The following USP26 variants were observed in gnomAD, a reference collection of about 807,000 sequenced individuals.
USP26 encodes the protein ubiquitin specific peptidase 26.
For synonymous variants in USP26, 236 were observed against 240.6 expected (o/e 0.98, Z 0.18); for missense variants, 649 against 642.3 (o/e 1.01, Z -0.11).
At chrX:133,045,325 A>G (rs1288107048) in intron 5 of USP26, among the ~76,000 whole-genome samples, 1 of 111,636 alleles carries the variant, frequency 9.0e-6, no homozygotes, top group Admixed American at 9.4e-5. Flanking sequence ...AAACGGACCA[A>G]TCAGCTCTCT....
intron 4 of USP26, among the ~76,000 whole-genome samples, chrX:133,088,616 C>G (rs1265242139): frequency 1.8e-5 from 2 of 111,756 alleles, no homozygotes; most frequent in Non-Finnish European, 3.8e-5. Flanking sequence ...AAGCCAGGTC[C>G]CACTTTAAGT....
In USP26 at chrX:133,026,019, T is replaced by G. The variant is rs757939617; in HGVS notation, c.2202A>C (p.Lys734Asn). ...KNIRIPERFQ[K>N]VSEQTQQCDG... ...CACACTGCTGAGTCTGTTCAGACACTTTTTGGAATCTTTCTGGAATTCTGA... is the reference window on the plus strand; with the variant it reads ...CACACTGCTGAGTCTGTTCAGACACGTTTTGGAATCTTTCTGGAATTCTGA... The change falls in exon 6 of 6, where the codon AAA becomes AAC. Residue 734 changes from lysine to asparagine, a missense_variant. Transcript: ENST00000511190. The G allele has an allele frequency of 2.7e-4, 322 of 1,208,327 alleles. No individual in the cohort carries two copies. The Middle Eastern group carries it at 4.3e-3, about 16-fold the overall frequency.
chrX:133,025,376 T>C lies in USP26; in HGVS notation c.*103A>G. ...GTTTGACCTTTGGTCCTAGACTAAT[T>C]GCATTTTCATCTCTGGATAAAGTTC... On this transcript the variant is annotated 3_prime_UTR_variant, in exon 6 of 6. Coordinates refer to ENST00000511190, the MANE Select transcript of USP26 (RefSeq NM_031907.3). 1 of 1,160,037 alleles carries C rather than the reference T, an allele frequency of 8.6e-7. No homozygotes were observed.
In USP26 at chrX:133,045,788, G is replaced by A. The variant is rs773268669; in HGVS notation, c.-76-17492C>T. 196 of 114,290 alleles carry A rather than the reference G, an allele frequency of 1.7e-3. 1 individual carries two copies. The highest frequency in any genetic ancestry group is 5.6e-3 in the African/African-American group (171 of 30,792). 9.4% of individuals were successfully genotyped at this position (114,290 alleles called of 1,213,427 possible). On this transcript the variant is annotated intron_variant, in intron 5 of 5. Coordinates refer to ENST00000511190, the MANE Select transcript of USP26 (RefSeq NM_031907.3). ...GCCTTTAAGAACTGTAACACTCACC[G>A]CGAGCGTCCACGGCTTCATTCTTGA...
At chrX:133,053,702 C>T (rs894409611) in intron 5 of USP26, among the ~76,000 whole-genome samples, 1 of 111,459 alleles carries the variant, frequency 9.0e-6, no homozygotes, top group African/African-American at 3.3e-5. Context: ...AAATCCTGCA[C>T]GGCAACGGGC....
chrX:133,075,862 A>G (rs2067546544), intron 5 of USP26, among the ~76,000 whole-genome samples: 1 of 111,673 alleles, frequency 9.0e-6, no homozygotes. Context: ...GGAAATCCAG[A>G]CTATTTGAGT....
At chrX:133,079,180 C>T (rs182751921) in intron 5 of USP26, among the ~76,000 whole-genome samples, 47 of 111,870 alleles carry the variant, frequency 4.2e-4, no homozygotes, top group Non-Finnish European at 7.9e-4. Context: ...CCAGACTGTG[C>T]ATGCCCCTCC....
chrX:133,030,799 G>A (rs1033211995), intron 5 of USP26, among the ~76,000 whole-genome samples: 1 of 111,935 alleles, frequency 8.9e-6, no homozygotes, highest in Admixed American at 9.5e-5. Context: ...AAGAAAACGA[G>A]ACAAAAATTA....
At chrX:133,039,060 T>C (rs1314069252) in intron 5 of USP26, among the ~76,000 whole-genome samples, 1 of 112,025 alleles carries the variant, frequency 8.9e-6, no homozygotes, top group Non-Finnish European at 1.9e-5. Context: ...CTTTTCTTCT[T>C]TATTAGTCTG....
At chrX:133,053,274 A>G (rs2067465531) in intron 5 of USP26, among the ~76,000 whole-genome samples, 1 of 112,120 alleles carries the variant, frequency 8.9e-6, no homozygotes, top group African/African-American at 3.2e-5. Flanking sequence ...GTGGTTGCTC[A>G]CACCTATAAT....
intron 5 of USP26, among the ~76,000 whole-genome samples, chrX:133,069,807 T>C (rs915920159): frequency 3.6e-5 from 4 of 110,918 alleles, no homozygotes; most frequent in Admixed American, 1.9e-4. Flanking sequence ...TCCAACAAAA[T>C]AAGAGGGTCA....
intron 5 of USP26, among the ~76,000 whole-genome samples, chrX:133,082,005 G>A (rs1396456408): frequency 8.9e-6 from 1 of 111,854 alleles, no homozygotes; most frequent in Non-Finnish European, 1.9e-5. Flanking sequence ...TTCCATATTT[G>A]CTGGCTGTAT....
At chrX:133,048,942 C>T (rs1004303875) in intron 5 of USP26, among the ~76,000 whole-genome samples, 3 of 111,775 alleles carry the variant, frequency 2.7e-5, no homozygotes, top group African/African-American at 9.8e-5. Flanking sequence ...TGAGGAGCTG[C>T]TGGACATGTC....
At chrX:133,061,944 C>A (rs1264749938) in intron 5 of USP26, among the ~76,000 whole-genome samples, 1 of 111,216 alleles carries the variant, frequency 9.0e-6, no homozygotes, top group Non-Finnish European at 1.9e-5. Flanking sequence ...ACCATTCATT[C>A]CCCTGAAAAG....
chrX:133,044,666 C>T (rs1277602061), intron 5 of USP26, among the ~76,000 whole-genome samples: 1 of 113,292 alleles, frequency 8.8e-6, no homozygotes, highest in Non-Finnish European at 1.9e-5. Flanking sequence ...CCCTGCTCCC[C>T]ACCGTGGGCT....
intron 4 of USP26, among the ~76,000 whole-genome samples, chrX:133,087,155 A>T (rs1245505412): frequency 9.0e-6 from 1 of 111,181 alleles, no homozygotes; most frequent in Admixed American, 9.6e-5. Context: ...ATGGAGACCT[A>T]ACTCTTGCTT....
chrX:133,054,378 A>G (rs183054775), intron 5 of USP26, among the ~76,000 whole-genome samples: 1 of 111,547 alleles, frequency 9.0e-6, no homozygotes, highest in Admixed American at 9.6e-5. Flanking sequence ...CTGAGGCACC[A>G]TCATCTTCCA....
intron 5 of USP26, among the ~76,000 whole-genome samples, chrX:133,072,267 T>C (rs1436997108): frequency 8.9e-6 from 1 of 112,292 alleles, no homozygotes; most frequent in Non-Finnish European, 1.9e-5. Flanking sequence ...GCCTTACAGA[T>C]GGTATAACCT....
chrX:133,037,369 C>T (rs1172446582), intron 5 of USP26, among the ~76,000 whole-genome samples: 2 of 111,918 alleles, frequency 1.8e-5, no homozygotes, highest in Non-Finnish European at 3.8e-5. Flanking sequence ...TAAGAAGAGG[C>T]TCCAGTTTCT....
Sources: allele counts gnomAD v4.1 joint callset (sites outside exome capture counted in the v4.1 genomes callset), GRCh38; gene constraint gnomAD v4.1.1; transcripts MANE v1.5; gene names NCBI Gene and HGNC (gene_info 2026-07-23, HGNC 2026-07-21).